SCLT1: variants seen among roughly 807,000 people sequenced by gnomAD.
The protein encoded by SCLT1 is sodium channel and clathrin linker 1.
In SCLT1, 78 loss-of-function variants were observed where a neutral mutation model predicts 112.8. The observed-to-expected ratio is 0.69, with a 90% CI of 0.58 to 0.83. SCLT1 has a LOEUF of 0.83. Among genes scored for constraint, SCLT1 ranks in the 40% least tolerant of loss-of-function variants. SCLT1 has a pLI of 0.00. For missense variants in SCLT1, 747 were observed against 770.4 expected, an observed-to-expected ratio of 0.97 and a Z score of 0.36; for synonymous variants, 257 against 254.7, an observed-to-expected ratio of 1.01 and a Z score of -0.09.
intron 6 of SCLT1, among the ~76,000 whole-genome samples, chr4:129,003,112 G>T (rs965192887): frequency 6.6e-6 from 1 of 152,080 alleles, no homozygotes; most frequent in African/African-American, 2.4e-5. Context: ...CCATAAAAAA[G>T]GATGAGATCA....
At chr4:129,085,608 C>A (rs1752324719) in intron 1 of SCLT1, among the ~76,000 whole-genome samples, 1 of 152,116 alleles carries the variant, frequency 6.6e-6, no homozygotes. Context: ...GACATGAAAT[C>A]AACCTTAATG....
At chr4:128,962,828 C>G (rs1216938667) in intron 11 of SCLT1, among the ~76,000 whole-genome samples, 1 of 116,076 alleles carries the variant, frequency 8.6e-6, no homozygotes. Flanking sequence ...TTTCACAGTA[C>G]TAAAGACTCA....
chr4:128,984,568 T>C (rs1207397802), intron 9 of SCLT1, among the ~76,000 whole-genome samples: 2 of 152,172 alleles, frequency 1.3e-5, no homozygotes, highest in African/African-American at 4.8e-5. Flanking sequence ...TTTTCCTATA[T>C]AGATTTTTTT....
chr4:129,021,227 C>T (rs1745443242), intron 5 of SCLT1, among the ~76,000 whole-genome samples: 1 of 152,198 alleles, frequency 6.6e-6, no homozygotes, highest in Non-Finnish European at 1.5e-5. Flanking sequence ...TTTCTGCAAT[C>T]TGTAGATCAG....
chr4:129,009,201 A>G (rs1744295950), intron 5 of SCLT1, among the ~76,000 whole-genome samples: 1 of 152,068 alleles, frequency 6.6e-6, no homozygotes, highest in Non-Finnish European at 1.5e-5. Context: ...GCTGGGTTAA[A>G]TGGCACTTCT....
chr4:128,952,892 A>G (rs1738882513), intron 13 of SCLT1, 52 bp from the exon 14 acceptor site: 2 of 890,614 alleles, frequency 2.2e-6, no homozygotes, highest in Admixed American at 1.9e-5. Context: ...AAAATGATTA[A>G]TATCTGATAA....
In SCLT1 at chr4:129,054,111, G is replaced by T. The variant is rs528021372; in HGVS notation, c.103-10060C>A. On this transcript the variant is annotated intron_variant, in intron 2 of 20. Transcript: ENST00000281142. Reference sequence around the variant, plus strand: ...TTCTGGCTTCTAGCGTTTCTGCCAAGAGATTCGCTGTTAGTCTAATGGGCT... The same window carrying T: ...TTCTGGCTTCTAGCGTTTCTGCCAATAGATTCGCTGTTAGTCTAATGGGCT... Among the ~76,000 whole-genome samples, 5 of 152,306 alleles carry T rather than the reference G, an allele frequency of 3.3e-5. No homozygotes were observed. The East Asian group carries it at 9.6e-4, about 29-fold the overall frequency.
intron 18 of SCLT1, among the ~76,000 whole-genome samples, chr4:128,922,721 A>G (rs565084308): frequency 9.2e-5 from 14 of 152,318 alleles, no homozygotes; most frequent in Non-Finnish European, 1.9e-4. Context: ...ACAAAATAAT[A>G]GGTATACCAA....
chr4:128,895,733 C>T (rs1047358983), intron 18 of SCLT1, among the ~76,000 whole-genome samples: 5 of 152,176 alleles, frequency 3.3e-5, no homozygotes, highest in Admixed American at 6.5e-5. Context: ...CGAAGCAGGG[C>T]GAGGCATTGC....
At chr4:129,018,207 A>G (rs1745154259) in intron 5 of SCLT1, among the ~76,000 whole-genome samples, 1 of 152,240 alleles carries the variant, frequency 6.6e-6, no homozygotes, top group Admixed American at 6.5e-5. Flanking sequence ...GTATCGTACA[A>G]GTGGTTATCA....
At chr4:129,043,235 C>A (rs958424334) in intron 4 of SCLT1, among the ~76,000 whole-genome samples, 160 bp downstream of exon 4, 1 of 152,114 alleles carries the variant, frequency 6.6e-6, no homozygotes, top group Non-Finnish European at 1.5e-5. Flanking sequence ...TAAACATATG[C>A]ACATATATAC....
At chr4:128,980,781 T>A (rs769334878) in intron 9 of SCLT1, among the ~76,000 whole-genome samples, 2 of 152,198 alleles carry the variant, frequency 1.3e-5, no homozygotes, top group African/African-American at 4.8e-5. Flanking sequence ...TATATTAAAA[T>A]GATTTTTTTT....
Position 128,875,523 on chromosome 4 carries a change from C to T in SCLT1, n.355+984G>A, listed in dbSNP as rs1217863237. 3.3e-5 allele frequency among the ~76,000 whole-genome samples: 5 copies of T among 152,170 alleles called. No homozygotes were observed. In the East Asian group the frequency reaches 7.7e-4, roughly 23 times the overall value. On this transcript the variant is annotated intron_variant and non_coding_transcript_variant, in intron 4 of 7. Coordinates refer to the SCLT1 transcript ENST00000503565. ...ACGTAGACTTCAGGGTCAGAGAGAACTGTATTTAAAGGCTAAACTATAGTT... is the reference window on the plus strand; with the variant it reads ...ACGTAGACTTCAGGGTCAGAGAGAATTGTATTTAAAGGCTAAACTATAGTT...
chr4:129,035,427 G>A (rs1207208795), intron 5 of SCLT1, among the ~76,000 whole-genome samples: 1 of 151,908 alleles, frequency 6.6e-6, no homozygotes, highest in Non-Finnish European at 1.5e-5. Context: ...CTGGCAAAAA[G>A]ACATAAAAAC....
intron 2 of SCLT1, among the ~76,000 whole-genome samples, chr4:129,057,469 C>T (rs1032226059): frequency 8.9e-5 from 13 of 145,802 alleles, no homozygotes; most frequent in East Asian, 4.0e-4. Flanking sequence ...TACAGGCGTG[C>T]GCCATCATGC....
intron 18 of SCLT1, among the ~76,000 whole-genome samples, chr4:128,934,410 C>T (rs1251790111): frequency 1.3e-5 from 2 of 151,746 alleles, no homozygotes; most frequent in Non-Finnish European, 3.0e-5. Context: ...TGCTAGGATT[C>T]TAACTGGGAT....
chr4:128,981,473 T>A (rs1741643583), intron 9 of SCLT1, among the ~76,000 whole-genome samples: 1 of 152,148 alleles, frequency 6.6e-6, no homozygotes, highest in Admixed American at 6.5e-5. Context: ...CCTAAAATTG[T>A]CCTTTTAAGA....
chr4:129,028,622 G>A (rs1466414832), intron 5 of SCLT1, among the ~76,000 whole-genome samples: 1 of 152,090 alleles, frequency 6.6e-6, no homozygotes, highest in African/African-American at 2.4e-5. Flanking sequence ...TATGGGCAAG[G>A]ACTTCATGTC....
Position 129,093,350 on chromosome 4 carries a change from C to T in SCLT1, c.-247G>A. On this transcript the variant is annotated 5_prime_UTR_variant, in exon 1 of 21. Transcript: ENST00000281142. ...CTGGGGACTCCACGTTCAACCGAAT[C>T]CCACGCTGGTGGGAAGAGGACGCGG... The T allele has an allele frequency of 1.8e-6, 1 of 564,516 alleles. No homozygotes were observed. Among genetic ancestry groups the T allele is most frequent in the Non-Finnish European group, 3.2e-6 (1 of 315,496 alleles). The allele number at this position is 564,516 out of a possible 1,614,324, so 35.0% of individuals were successfully genotyped here.
Sources: allele counts gnomAD v4.1 joint callset (sites outside exome capture counted in the v4.1 genomes callset), GRCh38; gene constraint gnomAD v4.1.1; transcripts MANE v1.5; gene names NCBI Gene and HGNC (gene_info 2026-07-23, HGNC 2026-07-21).